The following SCG5 variants were observed in gnomAD, a reference collection of about 807,000 sequenced individuals.
The protein encoded by SCG5 is neuroendocrine protein 7B2.
SCG5 carries 18 observed loss-of-function variants against 25.7 expected under a neutral mutation model. The observed-to-expected ratio is 0.70, with a 90% CI of 0.48 to 1.04. The LOEUF is 1.04. Ranked by LOEUF, SCG5 falls within the 50% of genes least tolerant of loss-of-function variation. The probability of loss-of-function intolerance (pLI) is 0.00; values close to 1 mark genes in which losing one functional copy is unlikely to be tolerated. For synonymous variants in SCG5, 101 were observed against 91.7 expected, an observed-to-expected ratio of 1.10 and a Z score of -0.58; for missense variants, 206 against 259.8, an observed-to-expected ratio of 0.79 and a Z score of 1.42.
intron 2 of SCG5, among the ~76,000 whole-genome samples, chr15:32,664,586 C>A (rs957113452): frequency 6.6e-6 from 1 of 152,094 alleles, no homozygotes; most frequent in African/African-American, 2.4e-5. Flanking sequence ...AAATAACACA[C>A]AATTGCAAAT....
chr15:32,643,441 A>G (rs1425598809), intron 1 of SCG5, 145 bp from the exon 2 acceptor site: 3 of 649,458 alleles, frequency 4.6e-6, no homozygotes, highest in African/African-American at 3.6e-5. Context: ...AACTTAAGAC[A>G]AAAGCAACCT....
At chr15:32,686,463 G>A (rs371276620) in intron 4 of SCG5, among the ~76,000 whole-genome samples, 38 of 152,076 alleles carry the variant, frequency 2.5e-4, no homozygotes, top group East Asian at 9.7e-4. Context: ...ATTGGTATAC[G>A]GAATAAATAT....
intron 2 of SCG5, among the ~76,000 whole-genome samples, chr15:32,654,660 C>A (rs374177040): frequency 3.3e-5 from 5 of 152,276 alleles, no homozygotes; most frequent in South Asian, 4.1e-4. Flanking sequence ...TCTTTAGCCT[C>A]ATTGTGAATT....
chr15:32,694,132 A>AAACAAACC (rs1257610498), intron 5 of SCG5, among the ~76,000 whole-genome samples: 1 of 152,136 alleles, frequency 6.6e-6, no homozygotes, highest in Non-Finnish European at 1.5e-5. Context: ...AACAAAACAA[A>AAACAAACC]AACAAACCCA....
intron 2 of SCG5, among the ~76,000 whole-genome samples, chr15:32,662,708 A>G (rs1048769566): frequency 6.6e-6 from 1 of 152,048 alleles, no homozygotes; most frequent in Non-Finnish European, 1.5e-5. Context: ...CACCTCAACT[A>G]TAGAATTAAC....
chr15:32,694,266 T>C (rs2054916039), intron 5 of SCG5, among the ~76,000 whole-genome samples: 1 of 152,200 alleles, frequency 6.6e-6, no homozygotes, highest in Non-Finnish European at 1.5e-5. Context: ...AACCTTTGCA[T>C]GTTGTAGGTC....
At chr15:32,652,986 C>T (rs905778097) in intron 2 of SCG5, among the ~76,000 whole-genome samples, 3 of 152,122 alleles carry the variant, frequency 2.0e-5, no homozygotes, top group Admixed American at 2.0e-4. Context: ...AAGCATAAAC[C>T]TAGAACAAAA....
chr15:32,673,731 G>T (rs1234458029), intron 2 of SCG5, among the ~76,000 whole-genome samples: 1 of 151,870 alleles, frequency 6.6e-6, no homozygotes, highest in Non-Finnish European at 1.5e-5. Context: ...TTTAATATAG[G>T]TTTGTTTGTT....
intron 1 of SCG5, among the ~76,000 whole-genome samples, chr15:32,642,636 G>A (rs2053883427): frequency 6.8e-6 from 1 of 146,822 alleles, no homozygotes; most frequent in Admixed American, 6.8e-5. Context: ...ATCCAAACAC[G>A]TTAAGCAGCT....
At position 32,691,782 on chromosome 15, in the gene SCG5, G is replaced by T. The variant is rs749301151; in HGVS notation, c.543+19G>T. On this transcript the variant is annotated intron_variant, in intron 5 of 5. Transcript: ENST00000300175. ...GCGGAGGGTAACACGTGCCTGGCTG[G>T]ATTGTTGCGGGGATGCTTGGAGCTT... 2 of 1,611,350 alleles carry T rather than the reference G, an allele frequency of 1.2e-6. No individual in the cohort carries two copies. The highest frequency in any genetic ancestry group is 2.2e-5 in the South Asian group (2 of 90,272).
chr15:32,687,059 G>A (rs1171314163), intron 4 of SCG5, among the ~76,000 whole-genome samples: 1 of 141,968 alleles, frequency 7.0e-6, no homozygotes, highest in Non-Finnish European at 1.6e-5. Flanking sequence ...AGTAGGCTAG[G>A]AATGAGAGAA....
chr15:32,670,662 A>T (rs182819904), intron 2 of SCG5, among the ~76,000 whole-genome samples: 1 of 152,302 alleles, frequency 6.6e-6, no homozygotes, highest in African/African-American at 2.4e-5. Context: ...AGTGCTCATG[A>T]TCTCTTCCAC....
chr15:32,688,253 G>A (rs1015404554), intron 4 of SCG5, among the ~76,000 whole-genome samples: 1 of 152,194 alleles, frequency 6.6e-6, no homozygotes, highest in African/African-American at 2.4e-5. Flanking sequence ...CACACCAATG[G>A]CTGGCTCCTG....
intron 4 of SCG5, among the ~76,000 whole-genome samples, chr15:32,684,898 C>T (rs2054678513): frequency 6.6e-6 from 1 of 152,180 alleles, no homozygotes; most frequent in South Asian, 2.1e-4. Context: ...CTAACATTGA[C>T]CATAGTCTCC....
chr15:32,661,052 A>G (rs1335961143), intron 2 of SCG5, among the ~76,000 whole-genome samples: 6 of 152,238 alleles, frequency 3.9e-5, no homozygotes, highest in African/African-American at 1.2e-4. Flanking sequence ...TTTATTTTGT[A>G]TCTACTATGT....
chr15:32,679,924 T>G lies in SCG5; in HGVS notation c.376+9T>G. ...TCCTGTTGGAAAAACAGGTAACAGA[T>G]ATGCCTTTGGGTTCCCATGAAAAGT... On this transcript the variant is annotated intron_variant, in intron 3 of 5. Transcript: ENST00000300175. The G allele has an allele frequency of 6.2e-7, 1 of 1,600,392 alleles. No individual in the cohort carries two copies. Among genetic ancestry groups the G allele is most frequent in the Non-Finnish European group, 8.5e-7 (1 of 1,172,486 alleles).
At chr15:32,645,945 T>C (rs1318716757) in intron 2 of SCG5, among the ~76,000 whole-genome samples, 7 of 152,188 alleles carry the variant, frequency 4.6e-5, no homozygotes, top group Admixed American at 4.6e-4. Context: ...CTCAGCCTCC[T>C]GAGTAGCTGT....
At chr15:32,664,978 A>G (rs1445172128) in intron 2 of SCG5, among the ~76,000 whole-genome samples, 1 of 152,150 alleles carries the variant, frequency 6.6e-6, no homozygotes, top group East Asian at 1.9e-4. Context: ...TCCAGTTTTA[A>G]TCTCAGATAA....
intron 2 of SCG5, among the ~76,000 whole-genome samples, chr15:32,674,177 A>G (rs2054492431): frequency 6.6e-6 from 1 of 152,214 alleles, no homozygotes; most frequent in Non-Finnish European, 1.5e-5. Context: ...TAATGTTCAT[A>G]GTGGAAAATT....
Sources: gnomAD v4.1 joint callset for allele counts (sites outside exome capture counted in the v4.1 genomes callset) on GRCh38, gnomAD v4.1.1 for gene constraint, MANE v1.5 for transcripts, NCBI Gene and HGNC (gene_info 2026-07-23, HGNC 2026-07-21) for gene names.